The following KCNQ5 variants were observed in gnomAD, a reference collection of about 807,000 sequenced individuals.
KCNQ5 encodes the protein potassium voltage-gated channel subfamily KQT member 5.
KCNQ5 carries 30 observed loss-of-function variants against 98.2 expected under a neutral mutation model. The observed-to-expected ratio is 0.31, with a 90% CI of 0.23 to 0.41. KCNQ5 has a LOEUF of 0.41. Ranked by LOEUF, KCNQ5 falls within the 10% of genes least tolerant of loss-of-function variation. KCNQ5 has a pLI of 1.00. For synonymous variants in KCNQ5, 458 were observed against 449.4 expected, an observed-to-expected ratio of 1.02 and a Z score of -0.24; for missense variants, 835 against 1,182.5, an observed-to-expected ratio of 0.71 and a Z score of 4.31.
At chr6:73,162,363 G>A (rs76276366) in intron 10 of KCNQ5, among the ~76,000 whole-genome samples, 2,600 of 152,328 alleles carry the variant, frequency 0.017, 64 homozygotes, top group African/African-American at 0.06. Context: ...CTAATGCCAA[G>A]CATGGACCAT....
chr6:73,074,012 A>G lies in KCNQ5; in HGVS notation c.617-3310A>G, dbSNP rs963392943. On this transcript the variant is annotated intron_variant, in intron 3 of 13. Transcript: ENST00000370398. ...ATTAACCTGAGTATTTTAGGTTGAT[A>G]TCCCAGTCAACAAGCCATTGATGTG... Among the ~76,000 whole-genome samples the G allele has an allele frequency of 8.5e-5, 13 of 152,340 alleles. No individual in the cohort carries two copies. The East Asian group carries it at 2.3e-3, about 27-fold the overall frequency.
intron 1 of KCNQ5, chr6:72,987,573 C>T (rs1357395894): frequency 7.9e-6 from 5 of 630,162 alleles, no homozygotes; most frequent in African/African-American, 7.4e-5. Context: ...ACATAGCCCT[C>T]AGCAAGAAGG....
At chr6:72,661,953 CA>C (rs1582070247) in intron 1 of KCNQ5, among the ~76,000 whole-genome samples, 1 of 152,068 alleles carries the variant, frequency 6.6e-6, no homozygotes, top group Admixed American at 6.6e-5. Context: ...GTGTCACATT[CA>C]AAATGAACTT....
At chr6:72,987,277 C>T (rs1768827842) in intron 1 of KCNQ5, 2 of 692,484 alleles carry the variant, frequency 2.9e-6, no homozygotes, top group Non-Finnish European at 2.8e-6. Context: ...GAAACAGAGA[C>T]GGACTTAGAG....
intron 1 of KCNQ5, among the ~76,000 whole-genome samples, chr6:72,985,636 A>T (rs1768732217): frequency 6.6e-6 from 1 of 152,232 alleles, no homozygotes; most frequent in Non-Finnish European, 1.5e-5. Context: ...CAGAATGGCT[A>T]GTATTGAAAA....
At chr6:72,739,894 T>C (rs1431199287) in intron 1 of KCNQ5, among the ~76,000 whole-genome samples, 1 of 152,204 alleles carries the variant, frequency 6.6e-6, no homozygotes, top group East Asian at 1.9e-4. Flanking sequence ...GCTATTATAT[T>C]AATTATCTAT....
intron 1 of KCNQ5, among the ~76,000 whole-genome samples, chr6:72,805,534 G>C (rs2150098314): frequency 6.6e-6 from 1 of 152,166 alleles, no homozygotes; most frequent in South Asian, 2.1e-4. Context: ...CTATGTGTCT[G>C]TTTTTATGCC....
At chr6:72,787,857 G>A (rs1450464137) in intron 1 of KCNQ5, among the ~76,000 whole-genome samples, 1 of 152,200 alleles carries the variant, frequency 6.6e-6, no homozygotes, top group Non-Finnish European at 1.5e-5. Context: ...TTATCAGCCT[G>A]AGGGCCAATC....
intron 1 of KCNQ5, chr6:72,640,972 T>C (rs2098926889): frequency 2.0e-5 from 3 of 152,188 alleles, no homozygotes; most frequent in South Asian, 2.1e-4. Flanking sequence ...ATAAGCATTG[T>C]AGTGCTAACA....
chr6:72,770,074 A>G (rs2154477382), intron 1 of KCNQ5, among the ~76,000 whole-genome samples: 1 of 152,268 alleles, frequency 6.6e-6, no homozygotes, highest in Admixed American at 6.5e-5. Context: ...ACACCATCTC[A>G]AGCAACAGGT....
chr6:72,822,293 A>G (rs866475302), intron 1 of KCNQ5, among the ~76,000 whole-genome samples: 4 of 152,172 alleles, frequency 2.6e-5, no homozygotes, highest in African/African-American at 9.7e-5. Flanking sequence ...CTGCCACTGT[A>G]TGTGGTCATT....
chr6:73,042,835 A>G (rs1334741850), intron 3 of KCNQ5, among the ~76,000 whole-genome samples: 1 of 152,208 alleles, frequency 6.6e-6, no homozygotes, highest in African/African-American at 2.4e-5. Context: ...GTATTATAAA[A>G]TGGAAAAGTC....
intron 2 of KCNQ5, among the ~76,000 whole-genome samples, chr6:73,009,075 G>A (rs543535561): frequency 2.0e-5 from 3 of 151,792 alleles, no homozygotes; most frequent in South Asian, 4.2e-4. Context: ...TTGCAACCTC[G>A]ACCTCCTAGG....
At chr6:73,158,264 T>TGTTG (rs1228842831) in intron 10 of KCNQ5, 30 of 162,226 alleles carry the variant, frequency 1.8e-4, no homozygotes, top group Non-Finnish European at 2.4e-4. Context: ...ATTTTTTTTT[T>TGTTG]TTTTTTTTTT....
chr6:72,929,515 T>A (rs1765596325), intron 1 of KCNQ5, among the ~76,000 whole-genome samples: 1 of 152,286 alleles, frequency 6.6e-6, no homozygotes, highest in African/African-American at 2.4e-5. Context: ...CAACTTCATG[T>A]GTTTCATGTG....
At chr6:73,102,482 A>G (rs1034066078) in intron 5 of KCNQ5, among the ~76,000 whole-genome samples, 1 of 152,184 alleles carries the variant, frequency 6.6e-6, no homozygotes, top group African/African-American at 2.4e-5. Flanking sequence ...ATATTTGCAA[A>G]TTATCCATCT....
chr6:73,086,896 G>A (rs1011279947), intron 5 of KCNQ5, among the ~76,000 whole-genome samples: 1 of 152,172 alleles, frequency 6.6e-6, no homozygotes, highest in South Asian at 2.1e-4. Flanking sequence ...GGAAGAGTGA[G>A]GAAAATGGCA....
intron 5 of KCNQ5, among the ~76,000 whole-genome samples, chr6:73,102,352 C>G (rs1013651082): frequency 6.6e-6 from 1 of 151,992 alleles, no homozygotes; most frequent in Non-Finnish European, 1.5e-5. Flanking sequence ...GAGTAATATC[C>G]CACAAGCACA....
intron 1 of KCNQ5, among the ~76,000 whole-genome samples, chr6:72,659,766 G>C (rs144861140): frequency 4.4e-4 from 67 of 152,324 alleles, no homozygotes; most frequent in South Asian, 4.1e-3. Context: ...TCACTTAGGA[G>C]ACGGATTGTC....
Sources: gnomAD v4.1 joint callset for allele counts (sites outside exome capture counted in the v4.1 genomes callset) on GRCh38, gnomAD v4.1.1 for gene constraint, MANE v1.5 for transcripts, NCBI Gene and HGNC (gene_info 2026-07-23, HGNC 2026-07-21) for gene names.